CNGB3: variants seen among roughly 807,000 people sequenced by gnomAD.
CNGB3 encodes the protein cyclic nucleotide gated channel subunit beta 3, also known as cyclic nucleotide-gated channel beta-3.
In CNGB3, 86 loss-of-function variants were observed where a neutral mutation model predicts 92.8. That is an observed-to-expected ratio of 0.93 (90% confidence interval 0.78 to 1.11). CNGB3 has a LOEUF of 1.11. Among genes scored for constraint, CNGB3 ranks in the 50% least tolerant of loss-of-function variants. The pLI is 0.00. For missense variants in CNGB3, 1,026 were observed against 956.8 expected, an observed-to-expected ratio of 1.07 and a Z score of -0.95; for synonymous variants, 333 against 332.7, an observed-to-expected ratio of 1.00 and a Z score of -0.01.
chr8:86,726,520 TA>T lies in CNGB3; in HGVS notation c.338+10del. The stretch of plus-strand genomic sequence containing the variant: ...CTCTAAAATATGTTGTGTGTTTTAT[TA>T]AATGCTCACCTGTTTGGACCTTCTT... On this transcript the variant is annotated intron_variant, in intron 3 of 17. Transcript: ENST00000320005. 6.2e-7 allele frequency: 1 copy of T among 1,613,672 alleles called. No homozygotes were observed. Among genetic ancestry groups the T allele is most frequent in the Non-Finnish European group, 8.5e-7 (1 of 1,179,614 alleles).
intron 3 of CNGB3, among the ~76,000 whole-genome samples, chr8:86,725,362 T>C (rs1420956633): frequency 3.9e-5 from 6 of 152,258 alleles, no homozygotes; most frequent in African/African-American, 1.4e-4. Context: ...AAGATAATGA[T>C]GATCCACTAA....
At chr8:86,670,140 G>T (rs944871733) in intron 4 of CNGB3, among the ~76,000 whole-genome samples, 3 of 152,122 alleles carry the variant, frequency 2.0e-5, no homozygotes, top group Admixed American at 6.6e-5. Context: ...GAGCCACTAC[G>T]CCTGGCCAAT....
intron 4 of CNGB3, among the ~76,000 whole-genome samples, chr8:86,670,370 T>C (rs1220033238): frequency 6.6e-6 from 1 of 152,200 alleles, no homozygotes; most frequent in Non-Finnish European, 1.5e-5. Context: ...ATCCTGAGCC[T>C]GGAGGTCACC....
intron 7 of CNGB3, among the ~76,000 whole-genome samples, chr8:86,650,432 C>T (rs577742200): frequency 1.1e-4 from 17 of 151,340 alleles, no homozygotes; most frequent in Admixed American, 1.1e-3. Flanking sequence ...GACACATGCA[C>T]ATATAGGTTT....
intron 3 of CNGB3, among the ~76,000 whole-genome samples, chr8:86,675,747 AT>A (rs1168842609): frequency 6.6e-6 from 1 of 152,222 alleles, no homozygotes; most frequent in Admixed American, 6.5e-5. Flanking sequence ...AGGATTGGTT[AT>A]TGTTAGAATA....
At chr8:86,672,886 C>G (rs551758664) in intron 3 of CNGB3, among the ~76,000 whole-genome samples, 1 of 152,286 alleles carries the variant, frequency 6.6e-6, no homozygotes, top group East Asian at 1.9e-4. Context: ...CATATAAAAG[C>G]CTACTTAAGG....
At chr8:86,666,749 T>C (rs981792837) in intron 6 of CNGB3, among the ~76,000 whole-genome samples, 176 bp downstream of exon 6, 2 of 152,218 alleles carry the variant, frequency 1.3e-5, no homozygotes, top group African/African-American at 4.8e-5. Flanking sequence ...TCCAGCACAT[T>C]GTGAACACTC....
At chr8:86,677,528 A>T (rs1823999258) in intron 3 of CNGB3, among the ~76,000 whole-genome samples, 1 of 152,196 alleles carries the variant, frequency 6.6e-6, no homozygotes, top group Non-Finnish European at 1.5e-5. Context: ...TGGGAATGAT[A>T]TAGTGGATGA....
chr8:86,717,828 T>C (rs896882800), intron 3 of CNGB3, among the ~76,000 whole-genome samples: 1 of 152,080 alleles, frequency 6.6e-6, no homozygotes, highest in Non-Finnish European at 1.5e-5. Context: ...CAGATCACAG[T>C]GGAATAAAAT....
chr8:86,648,652 T>G (rs1402770150), intron 7 of CNGB3, among the ~76,000 whole-genome samples: 1 of 151,256 alleles, frequency 6.6e-6, no homozygotes, highest in African/African-American at 2.4e-5. Flanking sequence ...GAAATTCTTT[T>G]GTGTAAAATA....
chr8:86,600,082 A>G (rs6471426), intron 15 of CNGB3, among the ~76,000 whole-genome samples: 136,347 of 152,208 alleles, frequency 0.9, 61,246 homozygotes, highest in African/African-American at 0.93. Flanking sequence ...CAGACCAGCC[A>G]ACACTTAGGG....
At chr8:86,589,172 A>C (rs996716301) in intron 15 of CNGB3, among the ~76,000 whole-genome samples, 5 of 148,256 alleles carry the variant, frequency 3.4e-5, no homozygotes, top group African/African-American at 1.2e-4. Context: ...TTTCTGTGGG[A>C]TCGGTGGTGA....
chr8:86,668,179 A>G lies in CNGB3; in HGVS notation c.494-11T>C, dbSNP rs543970676. The G allele has an allele frequency of 7.9e-4, 684 of 871,038 alleles. 5 individuals carry two copies. In the East Asian group the frequency reaches 0.02, roughly 25 times the overall value. 54.0% of individuals were successfully genotyped at this position (871,038 alleles called of 1,614,324 possible). ...CAGCCGTGGGCTTTGCTTCATAGGGAAAAAAAAAAAGATGAAACATTTGAA... is the reference window on the plus strand; with the variant it reads ...CAGCCGTGGGCTTTGCTTCATAGGGGAAAAAAAAAAGATGAAACATTTGAA... On this transcript the variant is annotated splice_polypyrimidine_tract_variant and intron_variant, in intron 4 of 17. Coordinates refer to ENST00000320005, the MANE Select transcript of CNGB3 (RefSeq NM_019098.5).
chr8:86,658,148 G>A (rs1823552933), intron 6 of CNGB3: 1 of 534,562 alleles, frequency 1.9e-6, no homozygotes. Flanking sequence ...GCTGCCTCTG[G>A]CTCCTTCTGG....
chr8:86,709,976 T>A (rs1173806752), intron 3 of CNGB3, among the ~76,000 whole-genome samples: 1 of 152,204 alleles, frequency 6.6e-6, no homozygotes, highest in Non-Finnish European at 1.5e-5. Flanking sequence ...AAGTGCCAGA[T>A]CCTGTGCTAA....
chr8:86,655,600 C>T (rs1053192534), intron 6 of CNGB3, among the ~76,000 whole-genome samples: 3 of 152,264 alleles, frequency 2.0e-5, no homozygotes, highest in African/African-American at 7.2e-5. Context: ...AGCCTTATAG[C>T]ACCCTGGGCA....
At chr8:86,694,627 G>A (rs554058273) in intron 3 of CNGB3, among the ~76,000 whole-genome samples, 1,764 of 151,524 alleles carry the variant, frequency 0.012, 32 homozygotes, top group African/African-American at 0.039. Flanking sequence ...AGACAGGGTC[G>A]CGGCCGGGCA....
chr8:86,653,380 G>C (rs1823442189), intron 7 of CNGB3, among the ~76,000 whole-genome samples: 1 of 151,834 alleles, frequency 6.6e-6, no homozygotes, highest in Non-Finnish European at 1.5e-5. Flanking sequence ...TTCCAACAAG[G>C]ATAGTCTGAG....
chr8:86,668,958 G>T (rs905468919), intron 4 of CNGB3, among the ~76,000 whole-genome samples: 1 of 152,132 alleles, frequency 6.6e-6, no homozygotes, highest in African/African-American at 2.4e-5. Context: ...GTTAGAGGCG[G>T]CAGTCAGCTA....
Sources: allele counts gnomAD v4.1 joint callset (sites outside exome capture counted in the v4.1 genomes callset), GRCh38; gene constraint gnomAD v4.1.1; transcripts MANE v1.5; gene names NCBI Gene and HGNC (gene_info 2026-07-23, HGNC 2026-07-21).